ADAMTS6: variants seen among roughly 807,000 people sequenced by gnomAD.
The protein encoded by ADAMTS6 is A disintegrin and metalloproteinase with thrombospondin motifs 6.
Under a neutral mutation model 144.3 loss-of-function variants are expected in ADAMTS6, and 23 were observed. The ratio of observed to expected loss-of-function variants is 0.16; its 90% CI spans 0.11 to 0.23. ADAMTS6 has a LOEUF of 0.23. ADAMTS6 is among the 10% of genes least tolerant of loss of function. ADAMTS6 has a pLI of 1.00. For synonymous variants in ADAMTS6, 444 were observed against 457.5 expected (o/e 0.97, Z 0.38); for missense variants, 999 against 1,379.6 (o/e 0.72, Z 4.37).
chr5:65,242,243 G>C, intron 14 of ADAMTS6, 37 bp from the exon 15 acceptor site: 1 of 1,502,434 alleles, frequency 6.7e-7, no homozygotes, highest in Non-Finnish European at 9.1e-7. Flanking sequence ...TACCATTGTT[G>C]GAAAATACCA....
intron 15 of ADAMTS6, among the ~76,000 whole-genome samples, chr5:65,227,270 T>C (rs1561301519): frequency 6.6e-6 from 1 of 152,218 alleles, no homozygotes; most frequent in Non-Finnish European, 1.5e-5. Context: ...TTGAAATTTG[T>C]GTTTTTTAAG....
chr5:65,337,854 G>C (rs1368971749), intron 7 of ADAMTS6, among the ~76,000 whole-genome samples: 2 of 152,110 alleles, frequency 1.3e-5, no homozygotes, highest in African/African-American at 4.8e-5. Flanking sequence ...ATAATGCAAG[G>C]AGTCTCGCTT....
chr5:65,341,152 T>G (rs1747781239), intron 7 of ADAMTS6, among the ~76,000 whole-genome samples: 1 of 151,886 alleles, frequency 6.6e-6, no homozygotes. Flanking sequence ...TAAAATTTCT[T>G]GAAACAAATA....
chr5:65,466,996 T>C lies in ADAMTS6; in HGVS notation c.462+3782A>G, dbSNP rs540459482. Among the ~76,000 whole-genome samples, 126 of 149,760 alleles carry C rather than the reference T, an allele frequency of 8.4e-4. 1 individual carries two copies. The highest frequency in any genetic ancestry group is 1.1e-3 in the African/African-American group (46 of 40,388). The stretch of plus-strand genomic sequence containing the variant: ...GGCGGAGCTTGCAGTGAGCCAAGAT[T>C]GCGCCACTGCACCCAGCCTGGGCGA... On this transcript the variant is annotated intron_variant, in intron 3 of 24. Transcript: ENST00000381055.
chr5:65,431,609 G>GA (rs752195840), intron 7 of ADAMTS6, among the ~76,000 whole-genome samples: 2 of 152,100 alleles, frequency 1.3e-5, no homozygotes, highest in Non-Finnish European at 2.9e-5. Context: ...TGTGGGAGCT[G>GA]AACCTAATAT....
At chr5:65,242,832 T>C (rs541500413) in intron 14 of ADAMTS6, among the ~76,000 whole-genome samples, 1 of 152,166 alleles carries the variant, frequency 6.6e-6, no homozygotes, top group East Asian at 1.9e-4. Context: ...AAATACAAAA[T>C]GGCCCAAAAC....
intron 13 of ADAMTS6, among the ~76,000 whole-genome samples, chr5:65,262,027 T>C (rs1461098587): frequency 3.3e-5 from 5 of 151,910 alleles, no homozygotes; most frequent in Admixed American, 2.6e-4. Flanking sequence ...CAACCAGCGT[T>C]CTAGACAAAA....
At chr5:65,419,162 G>C (rs1450372265) in intron 7 of ADAMTS6, among the ~76,000 whole-genome samples, 2 of 152,108 alleles carry the variant, frequency 1.3e-5, no homozygotes, top group Non-Finnish European at 2.9e-5. Context: ...CCCATCAATG[G>C]GGACTGGATA....
At chr5:65,398,796 G>GAAAGAAAAGA (rs1554083188) in intron 7 of ADAMTS6, among the ~76,000 whole-genome samples, 1 of 83,968 alleles carries the variant, frequency 1.2e-5, no homozygotes, top group Non-Finnish European at 2.4e-5. Flanking sequence ...AAGAAAGAAA[G>GAAAGAAAAGA]AAAGAAAGAA....
intron 22 of ADAMTS6, 66 bp downstream of exon 22, chr5:65,187,950 T>C: frequency 6.6e-7 from 1 of 1,520,396 alleles, no homozygotes. Context: ...TCCTTAATAT[T>C]AACTGCTTTA....
chr5:65,329,999 G>A (rs1249234081), intron 8 of ADAMTS6, among the ~76,000 whole-genome samples: 1 of 152,072 alleles, frequency 6.6e-6, no homozygotes, highest in Non-Finnish European at 1.5e-5. Context: ...AAGGAGAACT[G>A]TTAAAGATGG....
chr5:65,149,664 T>C lies in ADAMTS6; in HGVS notation c.*2172A>G, dbSNP rs1004658923. ...AAATAAGAACATGAGCTGATATTTA[T>C]GTTGGAGAAAATCAGATCTGGATTG... On this transcript the variant is annotated 3_prime_UTR_variant, in exon 25 of 25. Transcript: ENST00000381055. 1 of 152,652 alleles carries C rather than the reference T, an allele frequency of 6.6e-6. No individual in the cohort carries two copies. The highest frequency in any genetic ancestry group is 1.5e-5 in the Non-Finnish European group (1 of 68,046). The allele number at this position is 152,652 out of a possible 1,614,324, so 9.5% of individuals were successfully genotyped here.
chr5:65,208,782 A>G (rs1428213578), intron 20 of ADAMTS6, among the ~76,000 whole-genome samples: 2 of 152,208 alleles, frequency 1.3e-5, no homozygotes. Context: ...TAGTGATACT[A>G]TGGTTACAAC....
intron 11 of ADAMTS6, among the ~76,000 whole-genome samples, chr5:65,278,132 C>T (rs1467477587): frequency 6.6e-6 from 1 of 152,180 alleles, no homozygotes; most frequent in Non-Finnish European, 1.5e-5. Context: ...GCCTCCAGCT[C>T]CATTCAAGCT....
intron 7 of ADAMTS6, among the ~76,000 whole-genome samples, chr5:65,357,442 C>T (rs1344273095): frequency 6.6e-6 from 1 of 151,092 alleles, no homozygotes; most frequent in African/African-American, 2.4e-5. Context: ...CAATTTTGCA[C>T]CCCAAGGAAC....
At chr5:65,412,868 TC>T (rs1251184459) in intron 7 of ADAMTS6, among the ~76,000 whole-genome samples, 2 of 152,168 alleles carry the variant, frequency 1.3e-5, no homozygotes, top group East Asian at 3.8e-4. Flanking sequence ...AGTTTTTTAA[TC>T]CAATTATTTG....
At chr5:65,442,048 C>A (rs1757903559) in intron 7 of ADAMTS6, among the ~76,000 whole-genome samples, 1 of 141,322 alleles carries the variant, frequency 7.1e-6, no homozygotes, top group African/African-American at 2.6e-5. Context: ...AAGCCTGAAC[C>A]AAGTAGACAG....
intron 7 of ADAMTS6, among the ~76,000 whole-genome samples, chr5:65,409,996 G>A (rs1220116333): frequency 1.3e-5 from 2 of 152,044 alleles, no homozygotes. Flanking sequence ...ACTCTAGAAA[G>A]AAAAAACACA....
chr5:65,421,016 A>T (rs559229394), intron 7 of ADAMTS6, among the ~76,000 whole-genome samples: 1 of 152,236 alleles, frequency 6.6e-6, no homozygotes, highest in Non-Finnish European at 1.5e-5. Context: ...TTTTTAATCC[A>T]GTCTGCCAAT....
Sources: gnomAD v4.1 joint callset for allele counts (sites outside exome capture counted in the v4.1 genomes callset) on GRCh38, gnomAD v4.1.1 for gene constraint, MANE v1.5 for transcripts, NCBI Gene and HGNC (gene_info 2026-07-23, HGNC 2026-07-21) for gene names.